LINC00237: variants seen among roughly 807,000 people sequenced by gnomAD.
LINC00237 encodes long intergenic non-protein coding RNA 237.
intron 3 of LINC00237, among the ~76,000 whole-genome samples, chr20:21,086,643 AGTATAC>A (rs1457131287): frequency 1.5e-4 from 20 of 129,906 alleles, no homozygotes; most frequent in Non-Finnish European, 4.7e-5. Flanking sequence ...TACTATATAT[AGTATAC>A]TATATATGTA....
intron 1 of LINC00237, among the ~76,000 whole-genome samples, chr20:21,100,278 C>G (rs1341805917): frequency 6.6e-6 from 1 of 152,208 alleles, no homozygotes; most frequent in Non-Finnish European, 1.5e-5. Flanking sequence ...GTTGGTTTGA[C>G]TGTACACCTG....
At chr20:21,092,808 C>T (rs1337088422) in intron 2 of LINC00237, 1 of 152,174 alleles carries the variant, frequency 6.6e-6, no homozygotes, top group Non-Finnish European at 1.5e-5. Context: ...CAAAAAAGAG[C>T]TTGTTTTAAA....
intron 1 of LINC00237, among the ~76,000 whole-genome samples, chr20:21,094,836 C>T (rs540444828): frequency 3.3e-5 from 5 of 152,264 alleles, no homozygotes; most frequent in East Asian, 1.9e-4. Flanking sequence ...GATCACTTGA[C>T]GTCAGGAGTT....
At chr20:21,099,338 TGC>T (rs35703995) in intron 1 of LINC00237, among the ~76,000 whole-genome samples, 22,342 of 152,132 alleles carry the variant, frequency 0.15, 1,807 homozygotes, top group East Asian at 0.31. Flanking sequence ...AAACAACACC[TGC>T]GCACGTGGGG....
At chr20:21,097,678 C>A (rs1394566162) in intron 1 of LINC00237, among the ~76,000 whole-genome samples, 2 of 152,104 alleles carry the variant, frequency 1.3e-5, no homozygotes, top group Non-Finnish European at 2.9e-5. Flanking sequence ...GTAGCAGTTA[C>A]CTCTGATTTG....
intron 1 of LINC00237, among the ~76,000 whole-genome samples, chr20:21,099,558 C>T (rs1451893100): frequency 6.6e-6 from 1 of 152,180 alleles, no homozygotes; most frequent in Admixed American, 6.5e-5. Context: ...TTCTCTTCCC[C>T]TTCAGGTCAT....
At chr20:21,092,105 C>T (rs2030801081) in intron 2 of LINC00237, among the ~76,000 whole-genome samples, 1 of 152,170 alleles carries the variant, frequency 6.6e-6, no homozygotes. Flanking sequence ...TTAAAGAGTC[C>T]ATCAGGAGAT....
chr20:21,090,276 CA>C (rs1366153464), intron 2 of LINC00237: 2 of 152,148 alleles, frequency 1.3e-5, no homozygotes, highest in African/African-American at 4.8e-5. Context: ...CTATTATCGC[CA>C]GAACATTTAA....
At chr20:21,093,127 A>G (rs1324530654) in intron 2 of LINC00237, 1 of 152,210 alleles carries the variant, frequency 6.6e-6, no homozygotes, top group Non-Finnish European at 1.5e-5. Context: ...TTTTCTGCAT[A>G]CCAGCCAATG....
At chr20:21,087,420 A>G (rs1387786518) in intron 3 of LINC00237, among the ~76,000 whole-genome samples, 1 of 151,982 alleles carries the variant, frequency 6.6e-6, no homozygotes, top group Non-Finnish European at 1.5e-5. Context: ...TTCAGAGACC[A>G]TTGTCAGACA....
At chr20:21,103,870 G>A (rs531488968) in intron 1 of LINC00237, among the ~76,000 whole-genome samples, 1 of 152,118 alleles carries the variant, frequency 6.6e-6, no homozygotes, top group South Asian at 2.1e-4. Context: ...TGTGGACGGG[G>A]GTATAAGACT....
At chr20:21,099,233 G>C (rs577128063) in intron 1 of LINC00237, among the ~76,000 whole-genome samples, 215 of 152,316 alleles carry the variant, frequency 1.4e-3, no homozygotes, top group Non-Finnish European at 2.3e-3. Flanking sequence ...TCAGGAGGAG[G>C]ATAGCCCCGA....
chr20:21,098,153 G>A (rs2030884368), intron 1 of LINC00237, among the ~76,000 whole-genome samples: 2 of 152,116 alleles, frequency 1.3e-5, no homozygotes, highest in African/African-American at 4.8e-5. Context: ...TGAATATGTT[G>A]GTGTTTAAAA....
intron 2 of LINC00237, among the ~76,000 whole-genome samples, chr20:21,088,876 G>A (rs940273436): frequency 2.0e-5 from 3 of 151,832 alleles, no homozygotes; most frequent in Admixed American, 6.6e-5. Flanking sequence ...CAACATGTTC[G>A]GTGCTCTGAA....
intron 1 of LINC00237, among the ~76,000 whole-genome samples, chr20:21,097,473 A>T (rs1364803301): frequency 1.3e-5 from 2 of 152,146 alleles, no homozygotes; most frequent in Non-Finnish European, 2.9e-5. Context: ...TTAAAAAAAA[A>T]ATCCTTTATG....
chr20:21,086,837 A>AC (rs2030715481), intron 3 of LINC00237, among the ~76,000 whole-genome samples: 2 of 128,844 alleles, frequency 1.6e-5, no homozygotes, highest in South Asian at 4.7e-4. Context: ...TGTATACTAT[A>AC]TATGTATAGT....
At chr20:21,103,536 T>C (rs997050319) in intron 1 of LINC00237, among the ~76,000 whole-genome samples, 1 of 152,200 alleles carries the variant, frequency 6.6e-6, no homozygotes, top group African/African-American at 2.4e-5. Flanking sequence ...AGCTGGCAAT[T>C]TGAACCGGCT....
At chr20:21,092,937 CCA>C (rs1260276123) in intron 2 of LINC00237, 5 of 152,092 alleles carry the variant, frequency 3.3e-5, no homozygotes, top group African/African-American at 1.2e-4. Context: ...GCTAAGTCAC[CCA>C]CCTTTACAGA....
At chr20:21,100,862 C>A (rs550982074) in intron 1 of LINC00237, among the ~76,000 whole-genome samples, 232 of 152,232 alleles carry the variant, frequency 1.5e-3, no homozygotes, top group African/African-American at 5.3e-3. Flanking sequence ...AAAACCAAAT[C>A]GGGCCCATAA....
Sources: allele counts gnomAD v4.1 joint callset (sites outside exome capture counted in the v4.1 genomes callset), GRCh38; gene constraint gnomAD v4.1.1; transcripts MANE v1.5; gene names NCBI Gene and HGNC (gene_info 2026-07-23, HGNC 2026-07-21).